Variants in VKORC1L1 observed in about 807,000 individuals in gnomAD.
VKORC1L1 encodes the protein vitamin K epoxide reductase complex subunit 1-like protein 1.
VKORC1L1 carries 2 observed loss-of-function variants against 18.9 expected under a neutral mutation model. The ratio of observed to expected loss-of-function variants is 0.11; its 90% CI spans 0.04 to 0.33. VKORC1L1 has a LOEUF of 0.33. Ranked by LOEUF, VKORC1L1 falls within the 10% of genes least tolerant of loss-of-function variation. The probability of loss-of-function intolerance (pLI) is 1.00; values close to 1 mark genes in which losing one functional copy is unlikely to be tolerated. For missense variants in VKORC1L1, 123 were observed against 224.1 expected (o/e 0.55, Z 2.88); for synonymous variants, 96 against 100.0 (o/e 0.96, Z 0.24).
chr7:65,941,846 A>T (rs1293561912), intron 1 of VKORC1L1, among the ~76,000 whole-genome samples: 1 of 151,538 alleles, frequency 6.6e-6, no homozygotes, highest in Non-Finnish European at 1.5e-5. Context: ...ATTTGAGTAG[A>T]GATGGGATTT....
intron 1 of VKORC1L1, among the ~76,000 whole-genome samples, chr7:65,947,933 C>T (rs1440674876): frequency 6.6e-6 from 1 of 152,168 alleles, no homozygotes. Context: ...TTGTGATCTG[C>T]TCGCCTCGGC....
intron 2 of VKORC1L1, among the ~76,000 whole-genome samples, chr7:65,952,809 G>A (rs1345703692): frequency 9.8e-6 from 1 of 102,020 alleles, no homozygotes; most frequent in East Asian, 3.0e-4. Flanking sequence ...TTTTGAGACA[G>A]AGTTAAGACT....
At chr7:65,935,941 T>C (rs1189886969) in intron 1 of VKORC1L1, among the ~76,000 whole-genome samples, 2 of 152,158 alleles carry the variant, frequency 1.3e-5, no homozygotes, top group Non-Finnish European at 2.9e-5. Flanking sequence ...ATATTTCAGA[T>C]TGATATTTAA....
At chr7:65,873,711 C>G (rs1171756658) in intron 1 of VKORC1L1, 146 bp downstream of exon 1, 24 of 44,544 alleles carry the variant, frequency 5.4e-4, no homozygotes, top group Non-Finnish European at 1.0e-3. Flanking sequence ...CGGGGCCAGG[C>G]GGGGGGCGGC....
At chr7:65,875,322 T>C (rs1368642955) in intron 1 of VKORC1L1, among the ~76,000 whole-genome samples, 1 of 152,212 alleles carries the variant, frequency 6.6e-6, no homozygotes, top group East Asian at 1.9e-4. Context: ...TATATACATA[T>C]ATAATCACAT....
intron 1 of VKORC1L1, among the ~76,000 whole-genome samples, chr7:65,879,725 TTTTC>T (rs1042021895): frequency 1.3e-5 from 2 of 151,852 alleles, no homozygotes; most frequent in East Asian, 1.9e-4. Context: ...TCCTTCCTTC[TTTTC>T]TTTCTTTTTC....
At chr7:65,870,798 T>G (rs1363979242), upstream of VKORC1L1, among the ~76,000 whole-genome samples, 2 of 152,204 alleles carry the variant, frequency 1.3e-5, no homozygotes, top group Non-Finnish European at 1.5e-5. Context: ...TTTTTGTTTC[T>G]TAATCAGTGT....
intron 1 of VKORC1L1, among the ~76,000 whole-genome samples, chr7:65,922,794 G>A (rs546057934): frequency 1.3e-5 from 2 of 152,172 alleles, no homozygotes; most frequent in East Asian, 1.9e-4. Flanking sequence ...TAAGAGTGCT[G>A]TGTTCTTCCC....
chr7:65,876,802 T>G (rs1355766599), intron 1 of VKORC1L1, among the ~76,000 whole-genome samples: 2 of 152,206 alleles, frequency 1.3e-5, no homozygotes, highest in African/African-American at 2.4e-5. Flanking sequence ...CCCAGCAGTT[T>G]GGGACGCTGA....
In VKORC1L1 at chr7:65,957,037, T is replaced by C. The variant is rs2115770245; in HGVS notation, c.*2737T>C. On this transcript the variant is annotated 3_prime_UTR_variant, in exon 3 of 3. Transcript: ENST00000360768. Reference sequence around the variant, plus strand: ...GATTTCATTTGTTTTGCATTACAGCTAGTTGCTCTCACTAAAGGTAAATTT... The same window carrying C: ...GATTTCATTTGTTTTGCATTACAGCCAGTTGCTCTCACTAAAGGTAAATTT... The C allele has an allele frequency of 6.6e-6, 1 of 152,352 alleles. No homozygotes were observed. Among genetic ancestry groups the C allele is most frequent in the South Asian group, 2.1e-4 (1 of 4,826 alleles). The allele number at this position is 152,352 out of a possible 1,614,324, so 9.4% of individuals were successfully genotyped here. A position where few individuals can be genotyped will look rare whatever the true frequency, so the allele number is the denominator to read the frequency against.
intron 1 of VKORC1L1, among the ~76,000 whole-genome samples, chr7:65,909,688 CTTTGTGTGTGTG>C (rs1028742900): frequency 6.2e-5 from 5 of 81,080 alleles, no homozygotes; most frequent in African/African-American, 2.9e-4. Context: ...TTGTTTTAGC[CTTTGTGTGTGTG>C]TGTGTGTGTG....
intron 1 of VKORC1L1, among the ~76,000 whole-genome samples, chr7:65,914,441 C>T (rs1789553939): frequency 6.6e-6 from 1 of 152,048 alleles, no homozygotes; most frequent in South Asian, 2.1e-4. Flanking sequence ...CTATCCCTTC[C>T]CTCTATATCT....
upstream of VKORC1L1, among the ~76,000 whole-genome samples, chr7:65,868,860 C>T (rs1431325865): frequency 6.6e-6 from 1 of 152,006 alleles, no homozygotes; most frequent in Non-Finnish European, 1.5e-5. Flanking sequence ...GTACAATGTT[C>T]ACTATTTGAA....
intron 2 of VKORC1L1, 148 bp from the exon 3 acceptor site, chr7:65,953,926 G>T: frequency 1.5e-6 from 1 of 668,770 alleles, no homozygotes; most frequent in East Asian, 2.8e-5. Context: ...TAACAAAACA[G>T]AGCAGTATTT....
upstream of VKORC1L1, among the ~76,000 whole-genome samples, chr7:65,870,468 T>G (rs1334304715): frequency 6.6e-6 from 1 of 152,100 alleles, no homozygotes; most frequent in Admixed American, 6.6e-5. Context: ...TGAGGGCTTA[T>G]GAGGCATCAA....
intron 1 of VKORC1L1, among the ~76,000 whole-genome samples, chr7:65,895,794 A>G (rs897592263): frequency 6.6e-6 from 1 of 151,458 alleles, no homozygotes; most frequent in African/African-American, 2.4e-5. Flanking sequence ...TGTGGTCAAC[A>G]GTGGTATATG....
chr7:65,866,883 A>G, the VKORC1L1 span, among the ~76,000 whole-genome samples: 1 of 152,068 alleles, frequency 6.6e-6, no homozygotes, highest in Admixed American at 6.6e-5. Context: ...AGGGGGAAGA[A>G]GAGGAGGAAG....
rs115057376 is a variant in VKORC1L1, at chr7:65,946,869, C to T, written c.195-1802C>T. 4.3e-3 allele frequency among the ~76,000 whole-genome samples: 653 copies of T among 152,086 alleles called. 7 individuals are homozygous for T. Among genetic ancestry groups the T allele is most frequent in the African/African-American group, 0.015 (622 of 41,480 alleles). The stretch of plus-strand genomic sequence containing the variant: ...TATAACTGAAGGCTGGGTGTCATAG[C>T]TCAGCCTGTAATCCCAGCACTTTGG... On this transcript the variant is annotated intron_variant, in intron 1 of 2. Transcript: ENST00000360768.
intron 1 of VKORC1L1, among the ~76,000 whole-genome samples, chr7:65,895,640 C>G (rs1223117528): frequency 6.7e-6 from 1 of 150,142 alleles, no homozygotes; most frequent in Non-Finnish European, 1.5e-5. Flanking sequence ...AAACTTTTCA[C>G]AAAAATTATG....
Sources: gnomAD v4.1 joint callset for allele counts (sites outside exome capture counted in the v4.1 genomes callset) on GRCh38, gnomAD v4.1.1 for gene constraint, MANE v1.5 for transcripts, NCBI Gene and HGNC (gene_info 2026-07-23, HGNC 2026-07-21) for gene names.